The following TRIM5 variants were observed in gnomAD, a reference collection of about 807,000 sequenced individuals.
TRIM5 encodes tripartite motif containing 5.
Under a neutral mutation model 35.6 loss-of-function variants are expected in TRIM5, and 31 were observed. The ratio of observed to expected loss-of-function variants is 0.87; its 90% CI spans 0.65 to 1.18. The LOEUF (loss-of-function observed/expected upper bound fraction) is 1.18. Among genes scored for constraint, TRIM5 ranks in the 50% most tolerant of loss-of-function variants. The probability of loss-of-function intolerance (pLI) is 0.00; values close to 1 mark genes in which losing one functional copy is unlikely to be tolerated. For missense variants in TRIM5, 609 were observed against 591.6 expected (o/e 1.03, Z -0.31); for synonymous variants, 243 against 215.6 (o/e 1.13, Z -1.11).
Position 5,667,688 on chromosome 11 carries a change from C to T in TRIM5, c.767+1G>A, listed in dbSNP as rs1179115120. ...GACCATCTCTGTCCTCCCACACATA[C>T]CTTTTTATGACGCCATCCACACCCT... On this transcript the variant is annotated splice_donor_variant, in intron 5 of 7. Transcript: ENST00000380034. LOFTEE classifies it high-confidence loss of function. The T allele has an allele frequency of 6.2e-7, 1 of 1,613,558 alleles. No individual in the cohort carries two copies. The highest frequency in any genetic ancestry group is 8.5e-7 in the Non-Finnish European group (1 of 1,179,844).
the TRIM5 span, among the ~76,000 whole-genome samples, chr11:5,635,339 T>C: frequency 6.7e-6 from 1 of 149,968 alleles, no homozygotes; most frequent in African/African-American, 2.5e-5. Flanking sequence ...CACTGCAAGC[T>C]CCGCCTCCCA....
At position 5,665,371 on chromosome 11, in the gene TRIM5, T is replaced by C; in HGVS notation, c.920A>G (p.Asn307Ser). The C allele has an allele frequency of 1.7e-5, 27 of 1,611,528 alleles. No homozygotes were observed. The highest frequency in any genetic ancestry group is 2.3e-5 in the Non-Finnish European group (27 of 1,178,680). The change falls in exon 8 of 8, where the codon AAC (asparagine) becomes AGC (serine). Residue 307 changes from asparagine (N) to serine (S), a missense_variant. Coordinates refer to ENST00000380034, the MANE Select transcript of TRIM5 (RefSeq NM_033034.3). ...TTCAGAAATGACAGCACATGAAATG[T>C]TGTTTGGAGCCACTGTCACATCAAC... ...YWVDVTVAPN[N>S]ISCAVISEDK...
At chr11:5,674,076 T>C (rs1289061534) in intron 4 of TRIM5, among the ~76,000 whole-genome samples, 1 of 151,798 alleles carries the variant, frequency 6.6e-6, no homozygotes, top group Non-Finnish European at 1.5e-5. Flanking sequence ...ATAAAATCAA[T>C]GCAGCAAAAA....
chr11:5,646,868 A>C, the TRIM5 span, among the ~76,000 whole-genome samples: 3 of 152,188 alleles, frequency 2.0e-5, no homozygotes, highest in African/African-American at 7.2e-5. Flanking sequence ...CTTCCTTCCA[A>C]AATGAAATAA....
intron 4 of TRIM5, chr11:5,669,857 C>T: frequency 5.5e-6 from 1 of 181,262 alleles, no homozygotes; most frequent in Non-Finnish European, 1.2e-5. Flanking sequence ...TGCCTATAAT[C>T]CCAGCTACTC....
the TRIM5 span, among the ~76,000 whole-genome samples, chr11:5,657,535 TTATA>T: frequency 0.031 from 3,919 of 126,682 alleles, 167 homozygotes; most frequent in East Asian, 0.15. Flanking sequence ...TATATATTAT[TTATA>T]TATTATATAT....
At position 5,664,444 on chromosome 11, in the gene TRIM5, C is replaced by T. The variant is rs1003699764; in HGVS notation, c.*365G>A. ...CATTCATTGGTGAACAATTATCACACGATGATATAGAAAGGCTGTTGAAAA... is the reference window on the plus strand; with the variant it reads ...CATTCATTGGTGAACAATTATCACATGATGATATAGAAAGGCTGTTGAAAA... On this transcript the variant is annotated 3_prime_UTR_variant, in exon 8 of 8. Coordinates refer to ENST00000380034, the MANE Select transcript of TRIM5 (RefSeq NM_033034.3). The T allele has an allele frequency of 2.7e-5, 27 of 1,018,622 alleles. No individual in the cohort carries two copies. The highest frequency in any genetic ancestry group is 4.0e-5 in the South Asian group (1 of 24,814). 63.1% of individuals were successfully genotyped at this position (1,018,622 alleles called of 1,614,324 possible).
At chr11:5,660,004 T>A (rs1397649626), downstream of TRIM5, among the ~76,000 whole-genome samples, 1 of 151,714 alleles carries the variant, frequency 6.6e-6, no homozygotes, top group Non-Finnish European at 1.5e-5. Context: ...TGAAACGGAG[T>A]CTCGCTCTGT....
In TRIM5 at chr11:5,680,156, T is replaced by C. The variant is rs1219838711; in HGVS notation, c.22A>G (p.Asn8Asp). MASGILV[N>D]VKEEVTCPIC... is the part of the protein sequence containing the mutation. The stretch of plus-strand genomic sequence containing the variant: ...GGGCAGGTCACCTCCTCCTTTACAT[T>C]AACCAGGATTCCAGAAGCCATAGTA... The change falls in exon 2 of 8, where the codon AAT (asparagine) becomes GAT (aspartate). Residue 8 changes from asparagine to aspartate, a missense_variant. Asn to Asp is a conservative substitution (Grantham distance 23). Coordinates refer to ENST00000380034, the MANE Select transcript of TRIM5 (RefSeq NM_033034.3). 1.2e-6 allele frequency: 2 copies of C among 1,610,024 alleles called. No homozygotes were observed. Among genetic ancestry groups the C allele is most frequent in the East Asian group, 4.5e-5 (2 of 44,816 alleles).
the TRIM5 span, among the ~76,000 whole-genome samples, chr11:5,648,302 C>T: frequency 1.3e-5 from 2 of 151,834 alleles, no homozygotes; most frequent in Non-Finnish European, 2.9e-5. Flanking sequence ...GTCAGGAGAT[C>T]GAGACCATCC....
At chr11:5,683,651 A>C (rs878868344) in intron 1 of TRIM5, among the ~76,000 whole-genome samples, 1 of 151,712 alleles carries the variant, frequency 6.6e-6, no homozygotes, top group Non-Finnish European at 1.5e-5. Flanking sequence ...GTATCTAGCT[A>C]CTCTGGTGGG....
intron 1 of TRIM5, among the ~76,000 whole-genome samples, chr11:5,680,466 A>G (rs542994067): frequency 1.3e-5 from 2 of 152,292 alleles, no homozygotes; most frequent in East Asian, 3.9e-4. Flanking sequence ...TTATCTGTGC[A>G]TTGGTTATCA....
the TRIM5 span, chr11:5,634,958 C>A: frequency 2.3e-6 from 3 of 1,312,842 alleles, no homozygotes; most frequent in South Asian, 1.5e-5. Context: ...GTTTCTTTGG[C>A]CTTGCAGTGC....
chr11:5,684,130 C>G (rs913151607), intron 1 of TRIM5: 2 of 172,610 alleles, frequency 1.2e-5, no homozygotes, highest in Non-Finnish European at 2.4e-5. Flanking sequence ...CAAGCGTCCG[C>G]GGCTTCATTC....
the TRIM5 span, among the ~76,000 whole-genome samples, chr11:5,615,237 T>C: frequency 6.6e-6 from 1 of 152,188 alleles, no homozygotes; most frequent in East Asian, 1.9e-4. Flanking sequence ...GAAAGAAATG[T>C]GTATTCTGTG....
Position 5,678,215 on chromosome 11 carries a change from C to G in TRIM5, c.733G>C (p.Glu245Gln). ...LEHRLQGSVM[E>Q]LLQGVDGVIK... ...TTTCCACTTTTTACCTGAAGCAGCT[C>G]CATCACTGACCCCTGCAGCCGATGC... The change falls in exon 4 of 8, where the codon GAG becomes CAG. Residue 245 changes from glutamate to glutamine, a missense_variant. Glu to Gln is a conservative substitution (Grantham distance 29). Coordinates refer to ENST00000380034, the MANE Select transcript of TRIM5 (RefSeq NM_033034.3). The G allele has an allele frequency of 6.2e-7, 1 of 1,609,624 alleles. No individual in the cohort carries two copies. Among genetic ancestry groups the G allele is most frequent in the Non-Finnish European group, 8.5e-7 (1 of 1,176,762 alleles).
chr11:5,599,693 G>A, the TRIM5 span, among the ~76,000 whole-genome samples: 2 of 143,634 alleles, frequency 1.4e-5, no homozygotes, highest in African/African-American at 2.5e-5. Flanking sequence ...TTGGGCCACC[G>A]CGCCCGGCCA....
chr11:5,610,743 T>A, the TRIM5 span: 36 of 1,606,180 alleles, frequency 2.2e-5, no homozygotes, highest in Non-Finnish European at 2.8e-5. Flanking sequence ...CATGTCCCCG[T>A]TCTCATCTGC....
intron 5 of TRIM5, among the ~76,000 whole-genome samples, chr11:5,666,930 T>C (rs1851185269): frequency 6.6e-6 from 1 of 152,190 alleles, no homozygotes; most frequent in Non-Finnish European, 1.5e-5. Context: ...AACTGGTCTT[T>C]TTCCAGGAGG....
Sources: gnomAD v4.1 joint callset for allele counts (sites outside exome capture counted in the v4.1 genomes callset) on GRCh38, gnomAD v4.1.1 for gene constraint, MANE v1.5 for transcripts, NCBI Gene and HGNC (gene_info 2026-07-23, HGNC 2026-07-21) for gene names.